Variants in OR10R2 observed in about 807,000 individuals in gnomAD.
The protein encoded by OR10R2 is olfactory receptor 10R2.
A neutral mutation model predicts 2.4 loss-of-function variants in OR10R2; 1 was observed. The ratio of observed to expected loss-of-function variants is 0.41; its 90% CI spans 0.15 to 1.95. The LOEUF (loss-of-function observed/expected upper bound fraction) is 1.95, where lower values mean the gene tolerates loss of function less well. Ranked by LOEUF, OR10R2 falls within the 30% of genes most tolerant of loss-of-function variation. The probability of loss-of-function intolerance (pLI) is 0.30; values close to 1 mark genes in which losing one functional copy is unlikely to be tolerated. For synonymous variants in OR10R2, 166 were observed against 144.8 expected (o/e 1.15, Z -1.05); for missense variants, 419 against 373.0 (o/e 1.12, Z -1.01).
chr1:158,480,811 C>T (rs749717335), exon 2 of OR10R2: 2 of 1,609,628 alleles, frequency 1.2e-6, no homozygotes, highest in South Asian at 1.1e-5. Flanking sequence ...GGTTTATAGC[C>T]TCAGAAACAA....
intron 1 of OR10R2, among the ~76,000 whole-genome samples, chr1:158,477,747 C>T (rs1473064678): frequency 6.6e-6 from 1 of 152,070 alleles, no homozygotes; most frequent in Non-Finnish European, 1.5e-5. Context: ...TTTACAGATT[C>T]AATGCTATTC....
At chr1:158,479,883 C>G in intron 1 of OR10R2, 55 bp from the exon 2 acceptor site, 1 of 1,599,388 alleles carries the variant, frequency 6.3e-7, no homozygotes, top group Non-Finnish European at 8.5e-7. Context: ...AGTGCATGCC[C>G]CAAATTCTTA....
At chr1:158,480,606 G>C (rs1383007531) in exon 2 of OR10R2, 1 of 1,613,616 alleles carries the variant, frequency 6.2e-7, no homozygotes, top group African/African-American at 1.3e-5. Flanking sequence ...GCATTCTGAG[G>C]ACTATCCTGA....
At chr1:158,475,194 C>T (rs1044610035) in intron 1 of OR10R2, among the ~76,000 whole-genome samples, 8 of 152,090 alleles carry the variant, frequency 5.3e-5, no homozygotes, top group African/African-American at 1.9e-4. Flanking sequence ...CACAATAATC[C>T]TGCCTTTCTT....
At chr1:158,476,371 C>G (rs997690472) in intron 1 of OR10R2, among the ~76,000 whole-genome samples, 1 of 151,556 alleles carries the variant, frequency 6.6e-6, no homozygotes, top group Admixed American at 6.6e-5. Flanking sequence ...GGCGGTGAAA[C>G]CCCGTCTCTA....
At chr1:158,475,924 A>G (rs1253122195) in intron 1 of OR10R2, among the ~76,000 whole-genome samples, 1 of 152,048 alleles carries the variant, frequency 6.6e-6, no homozygotes, top group Non-Finnish European at 1.5e-5. Flanking sequence ...TTAAGTTACT[A>G]TTATAGGTCA....
chr1:158,473,262 G>T (rs955690007), intron 1 of OR10R2, among the ~76,000 whole-genome samples: 4 of 152,262 alleles, frequency 2.6e-5, no homozygotes, highest in Non-Finnish European at 5.9e-5. Context: ...TAAATGTTTG[G>T]TGCATGATAC....
intron 1 of OR10R2, among the ~76,000 whole-genome samples, chr1:158,473,765 T>TTCCTTCCTTCCTTCCTCCCTCCCTCCC (rs1656207113): frequency 5.5e-5 from 4 of 72,916 alleles, no homozygotes; most frequent in Non-Finnish European, 8.7e-5. Flanking sequence ...TTATCCTTCC[T>TTCCTTCCTTCCTTCCTCCCTCCCTCCC]TCCTTCCTTC....
At position 158,479,059 on chromosome 1, in the gene OR10R2, C is replaced by T. The variant is rs1656325343; in HGVS notation, c.28-879C>T. Among the ~76,000 whole-genome samples the T allele has an allele frequency of 3.3e-5, 5 of 152,230 alleles. No homozygotes were observed. In the South Asian group the frequency reaches 1.0e-3, roughly 32 times the overall value. Reference sequence around the variant, plus strand: ...CCTGAGAATGCAAATAATCAACTTACAATTGTTTCTATCAACAATCTTCAA... The same window carrying T: ...CCTGAGAATGCAAATAATCAACTTATAATTGTTTCTATCAACAATCTTCAA... On this transcript the variant is annotated intron_variant, in intron 1 of 1. Coordinates refer to ENST00000641067, the Ensembl canonical transcript of OR10R2.
chr1:158,477,425 C>T (rs1001085128), intron 1 of OR10R2, among the ~76,000 whole-genome samples: 13 of 152,112 alleles, frequency 8.5e-5, no homozygotes, highest in South Asian at 2.1e-4. Context: ...TGCCAAAAGG[C>T]TCCTAGAACT....
At chr1:158,479,424 A>G (rs1032384363) in intron 1 of OR10R2, among the ~76,000 whole-genome samples, 3 of 152,164 alleles carry the variant, frequency 2.0e-5, no homozygotes, top group African/African-American at 4.8e-5. Flanking sequence ...ATTTCTCTGT[A>G]TATGTCTCAC....
intron 1 of OR10R2, among the ~76,000 whole-genome samples, chr1:158,473,837 G>C (rs1183068906): frequency 1.7e-4 from 16 of 93,468 alleles, no homozygotes; most frequent in African/African-American, 5.9e-4. Context: ...TTCCCTCTCT[G>C]CTTCCTCCCT....
intron 1 of OR10R2, 80 bp downstream of exon 1, chr1:158,472,432 T>C (rs1656183218): frequency 7.5e-6 from 3 of 398,618 alleles, no homozygotes; most frequent in Non-Finnish European, 1.3e-5. Context: ...ATGCTAGTTT[T>C]GGGGAATTAC....
At chr1:158,474,361 A>C (rs1656231698) in intron 1 of OR10R2, 1 of 152,190 alleles carries the variant, frequency 6.6e-6, no homozygotes, top group South Asian at 2.1e-4. Flanking sequence ...AGAATGAAAC[A>C]AACAAAACCC....
intron 1 of OR10R2, among the ~76,000 whole-genome samples, chr1:158,478,207 A>G (rs1368441388): frequency 6.6e-6 from 1 of 152,232 alleles, no homozygotes; most frequent in African/African-American, 2.4e-5. Flanking sequence ...AAAATCCTAG[A>G]CGAAAACCTG....
intron 1 of OR10R2, among the ~76,000 whole-genome samples, chr1:158,474,118 A>G (rs1656227292): frequency 6.6e-6 from 1 of 151,928 alleles, no homozygotes; most frequent in Non-Finnish European, 1.5e-5. Flanking sequence ...ACTTGGTAAA[A>G]TGTAAATTTA....
At chr1:158,480,040 T>A in exon 2 of OR10R2, 1 of 1,614,088 alleles carries the variant, frequency 6.2e-7, no homozygotes, top group African/African-American at 1.3e-5. Context: ...TCTTTTTCTG[T>A]ATCTAGTCAT....
At chr1:158,474,680 GT>G (rs1264734353) in intron 1 of OR10R2, 1 of 152,094 alleles carries the variant, frequency 6.6e-6, no homozygotes, top group Non-Finnish European at 1.5e-5. Flanking sequence ...GCAAGAAAAA[GT>G]ACAAATATAT....
chr1:158,480,732 CTA>C lies in OR10R2; in HGVS notation c.824_825del (p.Tyr275CysfsTer25). ...TCATCTACCTGAGGCCTACAGCAAA[CTA>C]TGTGTCCAACAAAGACAGGCTGGTG... On this transcript the variant is annotated frameshift_variant, in exon 2 of 2. Transcript: ENST00000641067. LOFTEE classifies it low-confidence loss of function (END_TRUNC). The C allele has an allele frequency of 6.2e-7, 1 of 1,612,790 alleles. No homozygotes were observed. Among genetic ancestry groups the C allele is most frequent in the Non-Finnish European group, 8.5e-7 (1 of 1,178,920 alleles).
Sources: gnomAD v4.1 joint callset for allele counts (sites outside exome capture counted in the v4.1 genomes callset) on GRCh38, gnomAD v4.1.1 for gene constraint, MANE v1.5 for transcripts, NCBI Gene and HGNC (gene_info 2026-07-23, HGNC 2026-07-21) for gene names.